Variants in GRB14 observed in about 807,000 individuals in gnomAD.
The protein encoded by GRB14 is growth factor receptor bound protein 14, also known as growth factor receptor-bound protein 14.
Under a neutral mutation model 69.1 loss-of-function variants are expected in GRB14, and 38 were observed. The observed-to-expected ratio is 0.55, with a 90% CI of 0.42 to 0.72. GRB14 has a LOEUF of 0.72. Ranked by LOEUF, GRB14 falls within the 30% of genes least tolerant of loss-of-function variation. The probability of loss-of-function intolerance (pLI) is 0.00; values close to 1 mark genes in which losing one functional copy is unlikely to be tolerated. For missense variants in GRB14, 666 were observed against 666.1 expected (o/e 1.00, Z 0.00); for synonymous variants, 247 against 241.3 (o/e 1.02, Z -0.22).
At chr2:164,503,164 T>C (rs1297402442) in intron 8 of GRB14, among the ~76,000 whole-genome samples, 2 of 132,088 alleles carry the variant, frequency 1.5e-5, no homozygotes, top group Non-Finnish European at 3.1e-5. Flanking sequence ...TTTAAGCTAC[T>C]TTGTTAAAAA....
chr2:164,557,638 T>G (rs141781843), intron 2 of GRB14, among the ~76,000 whole-genome samples: 1 of 152,268 alleles, frequency 6.6e-6, no homozygotes, highest in East Asian at 1.9e-4. Flanking sequence ...GCTCAGGATT[T>G]GGTGAGGCAG....
In GRB14 at chr2:164,573,846, G is replaced by A. The variant is rs1689179099; in HGVS notation, c.325-26030C>T. On this transcript the variant is annotated intron_variant, in intron 2 of 13. Coordinates refer to ENST00000263915, the MANE Select transcript of GRB14 (RefSeq NM_004490.3). ...ATGACTCCAGAAGAAGCTGAAAGGT[G>A]GATTGTAAATTTGATTAGAAATGCA... 3.1e-6 allele frequency: 5 copies of A among 1,612,628 alleles called. No homozygotes were observed. The South Asian group carries it at 5.5e-5, about 18-fold the overall frequency.
chr2:164,606,833 T>C (rs1690052975), intron 2 of GRB14, among the ~76,000 whole-genome samples: 1 of 152,208 alleles, frequency 6.6e-6, no homozygotes. Context: ...AAAGTAGCCC[T>C]TTCATCTGAA....
intron 3 of GRB14, among the ~76,000 whole-genome samples, chr2:164,543,282 C>G (rs1688284242): frequency 6.7e-6 from 1 of 149,236 alleles, no homozygotes; most frequent in African/African-American, 2.5e-5. Context: ...GCATGGGAGA[C>G]AGACCAAGAC....
chr2:164,508,017 T>C (rs1415010467), intron 8 of GRB14, among the ~76,000 whole-genome samples: 3 of 152,216 alleles, frequency 2.0e-5, no homozygotes, highest in Admixed American at 2.0e-4. Flanking sequence ...GAGTCATGCT[T>C]ATTAAACTAG....
intron 3 of GRB14, among the ~76,000 whole-genome samples, chr2:164,546,370 T>A (rs545536600): frequency 3.9e-5 from 6 of 152,106 alleles, no homozygotes; most frequent in African/African-American, 1.4e-4. Context: ...TATACTAAAA[T>A]AAACAGAAAA....
chr2:164,564,026 G>C (rs991210106), intron 2 of GRB14, among the ~76,000 whole-genome samples: 1 of 152,138 alleles, frequency 6.6e-6, no homozygotes, highest in African/African-American at 2.4e-5. Context: ...TGACAAATGA[G>C]TAATAAAGGT....
rs1687183449 is a variant in GRB14, at chr2:164,506,177, TTAG to T, written c.1023+2275_1023+2277del. ...TGTAAAACTGGAGGGCTGGACAAAG[TTAG>T]TAGTTCTTATTCAGAATCCTTAAGG... is the stretch of plus-strand genomic sequence containing the variant. On this transcript the variant is annotated intron_variant, in intron 8 of 13. Coordinates refer to ENST00000263915, the MANE Select transcript of GRB14 (RefSeq NM_004490.3). 2.0e-5 allele frequency among the ~76,000 whole-genome samples: 3 copies of T among 152,150 alleles called. No individual in the cohort carries two copies. In the South Asian group the frequency reaches 6.2e-4, roughly 32 times the overall value.
chr2:164,594,882 A>G (rs1689748168), intron 2 of GRB14, among the ~76,000 whole-genome samples: 1 of 152,232 alleles, frequency 6.6e-6, no homozygotes, highest in African/African-American at 2.4e-5. Flanking sequence ...TAGTTCTTCA[A>G]GGTCAGACTT....
At chr2:164,598,113 C>G (rs1162138848) in intron 2 of GRB14, among the ~76,000 whole-genome samples, 1 of 152,066 alleles carries the variant, frequency 6.6e-6, no homozygotes, top group African/African-American at 2.4e-5. Flanking sequence ...CAAGCTGGTC[C>G]TGAGAGCAAG....
At chr2:164,587,018 C>T (rs548356835) in intron 2 of GRB14, among the ~76,000 whole-genome samples, 4 of 152,160 alleles carry the variant, frequency 2.6e-5, no homozygotes, top group African/African-American at 9.6e-5. Flanking sequence ...TTAAATGAGC[C>T]TATTAAGTAC....
chr2:164,528,599 C>T (rs1268515882), intron 3 of GRB14, among the ~76,000 whole-genome samples: 1 of 152,022 alleles, frequency 6.6e-6, no homozygotes, highest in African/African-American at 2.4e-5. Flanking sequence ...TATATCAACA[C>T]TTGGGGTTCT....
At chr2:164,568,395 T>A (rs1574317989) in intron 2 of GRB14, 10 of 1,283,596 alleles carry the variant, frequency 7.8e-6, no homozygotes, top group African/African-American at 3.1e-5. Flanking sequence ...CTTCTTAGAA[T>A]GATCCTGTCT....
At position 164,619,709 on chromosome 2, in the gene GRB14, T is replaced by C; in HGVS notation, c.302A>G (p.Lys101Arg). 6.3e-7 allele frequency: 1 copy of C among 1,580,580 alleles called. No individual in the cohort carries two copies. The highest frequency in any genetic ancestry group is 8.5e-7 in the Non-Finnish European group (1 of 1,170,962). The change falls in exon 2 of 14, where the codon AAA (lysine) becomes AGA (arginine). Residue 101 changes from lysine (K) to arginine (R), a missense_variant. Transcript: ENST00000263915. ...TSVLSADLFP[K>R]ANSRKKQVIK... ...TACCTGTTTTTTCCTTGAATTTGCT[T>C]TGGGAAATAGGTCTGCTGACAACAC...
At chr2:164,514,128 C>T (rs1687415979) in intron 6 of GRB14, among the ~76,000 whole-genome samples, 1 of 152,186 alleles carries the variant, frequency 6.6e-6, no homozygotes, top group Non-Finnish European at 1.5e-5. Context: ...ATAACTTCCT[C>T]TAGGAATTTA....
chr2:164,584,976 C>A (rs1689500142), intron 2 of GRB14, among the ~76,000 whole-genome samples: 1 of 143,366 alleles, frequency 7.0e-6, no homozygotes, highest in Non-Finnish European at 1.5e-5. Context: ...GAGTCTCACT[C>A]TGTTACCTAG....
rs1574322588 is a variant in GRB14 at position 164,573,185 on chromosome 2, C to A, written c.325-25369G>T. Among the ~76,000 whole-genome samples the A allele has an allele frequency of 2.0e-5, 3 of 152,276 alleles. 1 individual carries two copies. In the South Asian group the frequency reaches 6.2e-4, roughly 32 times the overall value. Reference sequence around the variant, plus strand: ...AACAGGCTCTACTTTTTCCACTCAACACAAATATAATCCTTAAGGTTAGGA... The same window carrying A: ...AACAGGCTCTACTTTTTCCACTCAAAACAAATATAATCCTTAAGGTTAGGA... On this transcript the variant is annotated intron_variant, in intron 2 of 13. Transcript: ENST00000263915.
intron 2 of GRB14, among the ~76,000 whole-genome samples, chr2:164,597,410 A>G (rs997768394): frequency 2.0e-5 from 3 of 152,234 alleles, no homozygotes; most frequent in African/African-American, 7.2e-5. Flanking sequence ...TAGGGATTAT[A>G]AAGAAAAATT....
chr2:164,610,052 C>T lies in GRB14; in HGVS notation c.324+9635G>A, dbSNP rs550706523. ...CCCCAGGGTAATGCACCAAGAGGAG[C>T]TTACTGGGAGCACAGGTGGGTTCTC... On this transcript the variant is annotated intron_variant, in intron 2 of 13. Transcript: ENST00000263915. 1.1e-4 allele frequency among the ~76,000 whole-genome samples: 16 copies of T among 152,232 alleles called. No individual in the cohort carries two copies. In the South Asian group the frequency reaches 3.1e-3, roughly 30 times the overall value.
Sources: allele counts gnomAD v4.1 joint callset (sites outside exome capture counted in the v4.1 genomes callset), GRCh38; gene constraint gnomAD v4.1.1; transcripts MANE v1.5; gene names NCBI Gene and HGNC (gene_info 2026-07-23, HGNC 2026-07-21).